HS6ST3: variants seen among roughly 807,000 people sequenced by gnomAD.
The protein encoded by HS6ST3 is heparan-sulfate 6-O-sulfotransferase 3.
A neutral mutation model predicts 36.7 loss-of-function variants in HS6ST3; 12 were observed. That is an observed-to-expected ratio of 0.33 (90% CI 0.21 to 0.53). The LOEUF is 0.53. Among genes scored for constraint, HS6ST3 ranks in the 20% least tolerant of loss-of-function variants. HS6ST3 has a pLI of 0.95. For missense variants in HS6ST3, 584 were observed against 640.9 expected (o/e 0.91, Z 0.96); for synonymous variants, 240 against 257.5 (o/e 0.93, Z 0.65).
chr13:96,580,068 G>C (rs2056336027), intron 1 of HS6ST3, among the ~76,000 whole-genome samples: 1 of 151,502 alleles, frequency 6.6e-6, no homozygotes, highest in Non-Finnish European at 1.5e-5. Context: ...ATCAGCAACT[G>C]GTATCCTTAT....
At chr13:96,430,278 A>T (rs1468477526) in intron 1 of HS6ST3, among the ~76,000 whole-genome samples, 1 of 152,188 alleles carries the variant, frequency 6.6e-6, no homozygotes, top group African/African-American at 2.4e-5. Context: ...AGGTTTCACC[A>T]GTTTGGGGAA....
At chr13:96,479,227 C>T (rs1336844887) in intron 1 of HS6ST3, among the ~76,000 whole-genome samples, 1 of 152,098 alleles carries the variant, frequency 6.6e-6, no homozygotes, top group Admixed American at 6.6e-5. Flanking sequence ...AAGGAATTAG[C>T]CTAGAGAAAG....
At chr13:96,492,652 A>C (rs555637383) in intron 1 of HS6ST3, among the ~76,000 whole-genome samples, 3 of 152,146 alleles carry the variant, frequency 2.0e-5, no homozygotes, top group African/African-American at 4.8e-5. Context: ...ACCCTAATAC[A>C]TATTTGAGGG....
At chr13:96,098,264 G>T (rs373927122) in intron 1 of HS6ST3, among the ~76,000 whole-genome samples, 26 of 152,300 alleles carry the variant, frequency 1.7e-4, no homozygotes, top group African/African-American at 5.5e-4. Context: ...GAGAGGATGT[G>T]AACTCTGATG....
chr13:96,349,239 C>T (rs2055170137), intron 1 of HS6ST3, among the ~76,000 whole-genome samples: 1 of 152,162 alleles, frequency 6.6e-6, no homozygotes, highest in Non-Finnish European at 1.5e-5. Context: ...AAAAGCAAAA[C>T]AACTTGTTCT....
At chr13:96,389,316 T>C (rs1328955874) in intron 1 of HS6ST3, among the ~76,000 whole-genome samples, 1 of 152,182 alleles carries the variant, frequency 6.6e-6, no homozygotes, top group African/African-American at 2.4e-5. Context: ...TGCTTCACTA[T>C]AGTAACGATT....
At chr13:96,348,792 C>G (rs1389056289) in intron 1 of HS6ST3, among the ~76,000 whole-genome samples, 1 of 152,202 alleles carries the variant, frequency 6.6e-6, no homozygotes, top group Non-Finnish European at 1.5e-5. Flanking sequence ...TCATCTGCAT[C>G]TCTTTAGTTC....
At chr13:96,264,195 G>A (rs1426163071) in intron 1 of HS6ST3, among the ~76,000 whole-genome samples, 13 of 152,002 alleles carry the variant, frequency 8.6e-5, no homozygotes, top group Non-Finnish European at 1.8e-4. Context: ...AGAATGCTGC[G>A]AATGCATCTT....
intron 1 of HS6ST3, among the ~76,000 whole-genome samples, chr13:96,274,131 A>G (rs547225162): frequency 2.0e-5 from 3 of 150,494 alleles, no homozygotes; most frequent in African/African-American, 7.3e-5. Context: ...GCAACCTCAA[A>G]CTCCCGCTCT....
intron 1 of HS6ST3, among the ~76,000 whole-genome samples, chr13:96,385,202 A>AT (rs1277515758): frequency 6.8e-6 from 1 of 148,100 alleles, no homozygotes; most frequent in Non-Finnish European, 1.5e-5. Flanking sequence ...AAAAGAAAAG[A>AT]TTTTTTTCAA....
intron 1 of HS6ST3, among the ~76,000 whole-genome samples, chr13:96,293,558 A>C (rs1041854869): frequency 6.6e-6 from 1 of 151,448 alleles, no homozygotes; most frequent in Admixed American, 6.6e-5. Context: ...ATATATATAC[A>C]CTCCCCCCTC....
chr13:96,282,586 C>CAATA (rs1197270528), intron 1 of HS6ST3, among the ~76,000 whole-genome samples: 1 of 152,132 alleles, frequency 6.6e-6, no homozygotes, highest in African/African-American at 2.4e-5. Flanking sequence ...CTTTGGCGTA[C>CAATA]AATATCTCAT....
intron 1 of HS6ST3, among the ~76,000 whole-genome samples, chr13:96,193,119 C>T (rs1293799965): frequency 6.6e-6 from 1 of 152,100 alleles, no homozygotes; most frequent in Non-Finnish European, 1.5e-5. Context: ...AGGTTTCTGT[C>T]CAAAGAGAGA....
At position 96,421,435 on chromosome 13, in the gene HS6ST3, T is replaced by C. The variant is rs76441027; in HGVS notation, c.707+329866T>C. On this transcript the variant is annotated intron_variant, in intron 1 of 1. Coordinates refer to ENST00000376705, the MANE Select transcript of HS6ST3 (RefSeq NM_153456.4). The stretch of plus-strand genomic sequence containing the variant: ...TTACATTGCAAATCTGATTATAATA[T>C]TCACTTACTTAGAATATTTCAATAA... Among the ~76,000 whole-genome samples, 140 of 152,350 alleles carry C rather than the reference T, an allele frequency of 9.2e-4. 3 individuals are homozygous for C. In the East Asian group the frequency reaches 0.027, roughly 29 times the overall value.
chr13:96,168,459 A>G (rs2139332851), intron 1 of HS6ST3, among the ~76,000 whole-genome samples: 1 of 152,182 alleles, frequency 6.6e-6, no homozygotes, highest in African/African-American at 2.4e-5. Context: ...TAATCCCAGC[A>G]CTTTGGGTGG....
At chr13:96,216,384 G>A (rs1465084803) in intron 1 of HS6ST3, among the ~76,000 whole-genome samples, 2 of 152,164 alleles carry the variant, frequency 1.3e-5, no homozygotes, top group Non-Finnish European at 2.9e-5. Flanking sequence ...TTGCCTCAAT[G>A]TTGACTACTA....
chr13:96,262,235 G>A (rs2054669927), intron 1 of HS6ST3, among the ~76,000 whole-genome samples: 1 of 152,118 alleles, frequency 6.6e-6, no homozygotes, highest in Non-Finnish European at 1.5e-5. Flanking sequence ...ATTAGCAGGT[G>A]GAAAATGTAA....
intron 1 of HS6ST3, among the ~76,000 whole-genome samples, chr13:96,348,920 A>G (rs1023269981): frequency 6.6e-6 from 1 of 152,214 alleles, no homozygotes; most frequent in African/African-American, 2.4e-5. Flanking sequence ...CACATCACCA[A>G]TAAAAGTCAG....
chr13:96,599,215 T>C (rs1474011407), intron 1 of HS6ST3, among the ~76,000 whole-genome samples: 1 of 152,094 alleles, frequency 6.6e-6, no homozygotes, highest in African/African-American at 2.4e-5. Context: ...GTATGAATTG[T>C]ATCAATTCTT....
Sources: gnomAD v4.1 joint callset for allele counts (sites outside exome capture counted in the v4.1 genomes callset) on GRCh38, gnomAD v4.1.1 for gene constraint, MANE v1.5 for transcripts, NCBI Gene and HGNC (gene_info 2026-07-23, HGNC 2026-07-21) for gene names.